NRXN3: variants seen among roughly 807,000 people sequenced by gnomAD.
NRXN3 encodes neurexin III.
Under a neutral mutation model 137.6 loss-of-function variants are expected in NRXN3, and 32 were observed. The ratio of observed to expected loss-of-function variants is 0.23; its 90% confidence interval spans 0.18 to 0.31. The LOEUF (loss-of-function observed/expected upper bound fraction) is 0.31. Ranked by LOEUF, NRXN3 falls within the 10% of genes least tolerant of loss-of-function variation. The probability of loss-of-function intolerance (pLI) is 1.00; values close to 1 mark genes in which losing one functional copy is unlikely to be tolerated. For missense variants in NRXN3, 1,574 were observed against 2,062.5 expected (o/e 0.76, Z 4.59); for synonymous variants, 798 against 784.5 (o/e 1.02, Z -0.29).
chr14:79,340,623 G>A (rs1024276945), intron 15 of NRXN3, among the ~76,000 whole-genome samples: 3 of 152,012 alleles, frequency 2.0e-5, no homozygotes, highest in Non-Finnish European at 2.9e-5. Flanking sequence ...GCACCACCAC[G>A]CCCGGCTAAT....
chr14:78,546,786 C>T (rs1190266956), intron 4 of NRXN3, among the ~76,000 whole-genome samples: 1 of 152,168 alleles, frequency 6.6e-6, no homozygotes, highest in Non-Finnish European at 1.5e-5. Context: ...CATATTGCAT[C>T]GCTGACTTGG....
At chr14:78,926,920 A>AAT (rs2099303999) in intron 10 of NRXN3, among the ~76,000 whole-genome samples, 3 of 29,028 alleles carry the variant, frequency 1.0e-4, no homozygotes, top group Non-Finnish European at 1.5e-4. Flanking sequence ...ATATATATAT[A>AAT]ATATATAATA....
chr14:78,376,112 G>C (rs1162771255), intron 4 of NRXN3, among the ~76,000 whole-genome samples: 1 of 152,076 alleles, frequency 6.6e-6, no homozygotes, highest in East Asian at 1.9e-4. Flanking sequence ...GAAAGACTGA[G>C]AAGAAAGAGA....
intron 4 of NRXN3, among the ~76,000 whole-genome samples, chr14:78,323,823 T>C (rs899830058): frequency 6.6e-6 from 1 of 151,968 alleles, no homozygotes; most frequent in African/African-American, 2.4e-5. Flanking sequence ...TGGTCAGATA[T>C]CAGGTTTTGG....
At chr14:79,418,837 G>T (rs949945079) in intron 15 of NRXN3, among the ~76,000 whole-genome samples, 3 of 152,152 alleles carry the variant, frequency 2.0e-5, no homozygotes, top group Non-Finnish European at 4.4e-5. Context: ...ACTTGGCCAG[G>T]CAAGCCCTGC....
intron 15 of NRXN3, among the ~76,000 whole-genome samples, chr14:79,169,548 T>C (rs1402975040): frequency 6.6e-6 from 1 of 152,138 alleles, no homozygotes; most frequent in Non-Finnish European, 1.5e-5. Context: ...TTTGTCACTT[T>C]CGTCTCACCT....
chr14:78,826,309 C>T (rs1043781991), intron 10 of NRXN3, among the ~76,000 whole-genome samples: 2 of 152,132 alleles, frequency 1.3e-5, no homozygotes, highest in Non-Finnish European at 2.9e-5. Flanking sequence ...ACGACCCCAC[C>T]CCACGATTCT....
chr14:79,809,955 A>G (rs1364259945), intron 20 of NRXN3, among the ~76,000 whole-genome samples: 1 of 152,236 alleles, frequency 6.6e-6, no homozygotes, highest in Non-Finnish European at 1.5e-5. Flanking sequence ...TTTGTAATCT[A>G]AAATGTGGGA....
chr14:78,369,604 C>A lies in NRXN3; in HGVS notation c.757+71744C>A, dbSNP rs943957390. On this transcript the variant is annotated intron_variant, in intron 4 of 20. Transcript: ENST00000335750. ...TTGTTTAAATGGAATAGTGTATTAA[C>A]CACCCTAGGTGATGTGTTTTAACAG... Among the ~76,000 whole-genome samples, 5 of 152,144 alleles carry A rather than the reference C, an allele frequency of 3.3e-5. No individual in the cohort carries two copies. In the South Asian group the frequency reaches 8.3e-4, roughly 25 times the overall value.
chr14:79,238,127 A>T (rs1016184053), intron 15 of NRXN3, among the ~76,000 whole-genome samples: 1 of 152,108 alleles, frequency 6.6e-6, no homozygotes, highest in Non-Finnish European at 1.5e-5. Flanking sequence ...GTTCAGGTGC[A>T]TGGGGGTCCT....
At chr14:78,611,193 C>A (rs1016775316) in intron 4 of NRXN3, among the ~76,000 whole-genome samples, 4 of 152,146 alleles carry the variant, frequency 2.6e-5, no homozygotes, top group African/African-American at 4.8e-5. Context: ...CTGGCACTGA[C>A]AGAACAGATA....
In NRXN3 at chr14:78,417,420, G is replaced by T. The variant is rs182630274; in HGVS notation, c.757+119560G>T. 3.1e-4 allele frequency among the ~76,000 whole-genome samples: 47 copies of T among 152,248 alleles called. No individual in the cohort carries two copies. The East Asian group carries it at 5.4e-3, about 18-fold the overall frequency. ...CAAACATGCCCCCATGGGAGCATGC[G>T]CAGATGCTCTCAGGCTGTGCTCATA... On this transcript the variant is annotated intron_variant, in intron 4 of 20. Transcript: ENST00000335750.
chr14:78,213,628 C>T (rs2062961807), intron 1 of NRXN3, among the ~76,000 whole-genome samples: 1 of 152,154 alleles, frequency 6.6e-6, no homozygotes, highest in Admixed American at 6.5e-5. Flanking sequence ...TGGCTGGAAG[C>T]AGCTTTGGGG....
At chr14:79,412,149 C>T (rs1209106701) in intron 15 of NRXN3, among the ~76,000 whole-genome samples, 2 of 152,008 alleles carry the variant, frequency 1.3e-5, no homozygotes, top group African/African-American at 2.4e-5. Flanking sequence ...GAAATCAGGG[C>T]ACCAAGTATA....
At chr14:78,743,995 C>G (rs2152932905) in intron 8 of NRXN3, among the ~76,000 whole-genome samples, 1 of 152,250 alleles carries the variant, frequency 6.6e-6, no homozygotes, top group Middle Eastern at 3.4e-3. Flanking sequence ...TTGTTTAGGT[C>G]TAAACTTTGG....
At chr14:78,262,801 C>T (rs2070992089) in intron 2 of NRXN3, among the ~76,000 whole-genome samples, 1 of 152,164 alleles carries the variant, frequency 6.6e-6, no homozygotes, top group African/African-American at 2.4e-5. Flanking sequence ...GGGGAGTCAG[C>T]CTGATTCTTG....
At chr14:78,448,285 G>A (rs117307663) in intron 4 of NRXN3, among the ~76,000 whole-genome samples, 1 of 152,272 alleles carries the variant, frequency 6.6e-6, no homozygotes, top group East Asian at 1.9e-4. Flanking sequence ...CAGAGCAATT[G>A]CCCAATACCT....
At chr14:78,743,779 C>T (rs375153971) in intron 8 of NRXN3, among the ~76,000 whole-genome samples, 28 of 152,042 alleles carry the variant, frequency 1.8e-4, no homozygotes, top group African/African-American at 5.1e-4. Context: ...ATCTTTATTC[C>T]GAAGGCAATG....
intron 15 of NRXN3, among the ~76,000 whole-genome samples, chr14:78,997,797 C>G (rs887348274): frequency 2.9e-4 from 44 of 152,160 alleles, no homozygotes; most frequent in African/African-American, 1.1e-3. Flanking sequence ...TGTTCCCTTT[C>G]CGGTTAGTTC....
Sources: allele counts gnomAD v4.1 joint callset (sites outside exome capture counted in the v4.1 genomes callset), GRCh38; gene constraint gnomAD v4.1.1; transcripts MANE v1.5; gene names NCBI Gene and HGNC (gene_info 2026-07-23, HGNC 2026-07-21).